The following SDCCAG8 variants were observed in gnomAD, a reference collection of about 807,000 sequenced individuals.
SDCCAG8 encodes the protein serologically defined colon cancer antigen 8.
A neutral mutation model predicts 101.8 loss-of-function variants in SDCCAG8; 74 were observed. That is an observed-to-expected ratio of 0.73 (90% CI 0.60 to 0.88). The LOEUF is 0.88. Among genes scored for constraint, SDCCAG8 ranks in the 40% least tolerant of loss-of-function variants. SDCCAG8 has a pLI of 0.00. For synonymous variants in SDCCAG8, 281 were observed against 292.9 expected (o/e 0.96, Z 0.41); for missense variants, 787 against 822.6 (o/e 0.96, Z 0.53).
intron 12 of SDCCAG8, among the ~76,000 whole-genome samples, chr1:243,374,718 A>C (rs921697352): frequency 2.6e-5 from 4 of 152,086 alleles, no homozygotes; most frequent in Non-Finnish European, 5.9e-5. Flanking sequence ...CAAAAAAGGG[A>C]ATAAATTGAG....
chr1:243,469,564 A>G (rs541456802), intron 16 of SDCCAG8, among the ~76,000 whole-genome samples: 1 of 152,302 alleles, frequency 6.6e-6, no homozygotes, highest in East Asian at 1.9e-4. Flanking sequence ...TTTCAGTTAC[A>G]TGAATTTTCA....
At chr1:243,341,200 G>A (rs369222444) in intron 11 of SDCCAG8, 27 bp downstream of exon 11, 140 of 1,610,956 alleles carry the variant, frequency 8.7e-5, no homozygotes, top group Non-Finnish European at 1.1e-4. Context: ...TAGTGTAATC[G>A]TTACTTAAGG....
At chr1:243,454,060 C>A (rs76331116) in intron 16 of SDCCAG8, among the ~76,000 whole-genome samples, 1 of 152,154 alleles carries the variant, frequency 6.6e-6, no homozygotes, top group Non-Finnish European at 1.5e-5. Context: ...GCTTTTCATT[C>A]GCACCTAGCT....
chr1:243,392,865 C>G (rs1222260143), intron 13 of SDCCAG8, among the ~76,000 whole-genome samples: 1 of 152,102 alleles, frequency 6.6e-6, no homozygotes, highest in Admixed American at 6.5e-5. Context: ...CTGAGGGATG[C>G]CAGCAAATAA....
intron 16 of SDCCAG8, among the ~76,000 whole-genome samples, chr1:243,452,842 A>T (rs2083467839): frequency 6.6e-6 from 1 of 152,186 alleles, no homozygotes; most frequent in Admixed American, 6.5e-5. Context: ...TTATTCTGTG[A>T]GGGCTTCTGT....
intron 1 of SDCCAG8, among the ~76,000 whole-genome samples, chr1:243,268,957 G>A (rs2067857681): frequency 6.6e-6 from 1 of 151,942 alleles, no homozygotes; most frequent in South Asian, 2.1e-4. Flanking sequence ...TGCCTCTGGT[G>A]CTGGAGTCCT....
chr1:243,373,024 A>G (rs1404865703), intron 12 of SDCCAG8, among the ~76,000 whole-genome samples: 1 of 151,234 alleles, frequency 6.6e-6, no homozygotes, highest in Non-Finnish European at 1.5e-5. Context: ...ATGGAATAGG[A>G]AATGTCAGAG....
At chr1:243,430,285 A>G (rs2081638616) in intron 16 of SDCCAG8, among the ~76,000 whole-genome samples, 1 of 152,174 alleles carries the variant, frequency 6.6e-6, no homozygotes, top group African/African-American at 2.4e-5. Flanking sequence ...AATCTATAAA[A>G]TGGAAGTTCC....
rs2081354029 is a variant in SDCCAG8, at chr1:243,426,557, A to G, written c.1984A>G (p.Arg662Gly). The G allele has an allele frequency of 1.2e-6, 2 of 1,613,850 alleles. No homozygotes were observed. Among genetic ancestry groups the G allele is most frequent in the Admixed American group, 1.7e-5 (1 of 60,008 alleles). Residue 662 changes from arginine (R) to glycine (G), a missense_variant and splice_region_variant, in exon 16 of 18, where the codon AGG (arginine) becomes GGG (glycine). Transcript: ENST00000366541. ...GAGAGTACATGAGACGATGAAGCAA[A>G]GGTAATCAAGGTTTCATGTCAACTC... is the stretch of plus-strand genomic sequence containing the variant. ...HGRVHETMKQ[R>G]LRQLDKHSQA...
At chr1:243,281,521 C>A (rs2069040195) in intron 4 of SDCCAG8, among the ~76,000 whole-genome samples, 2 of 151,718 alleles carry the variant, frequency 1.3e-5, no homozygotes, top group South Asian at 4.1e-4. Context: ...TTGGTATATT[C>A]AGACCATTAT....
chr1:243,265,575 G>T (rs2067516233), intron 1 of SDCCAG8, among the ~76,000 whole-genome samples: 1 of 152,242 alleles, frequency 6.6e-6, no homozygotes, highest in African/African-American at 2.4e-5. Context: ...CACTTTGGGA[G>T]GCCAAGGTGG....
At chr1:243,480,689 TGGATGGGTG>T (rs2148226220) in intron 16 of SDCCAG8, among the ~76,000 whole-genome samples, 1 of 111,702 alleles carries the variant, frequency 9.0e-6, no homozygotes, top group African/African-American at 3.6e-5. Flanking sequence ...GTGGGATGGA[TGGATGGGTG>T]GGATGGATGG....
chr1:243,422,380 G>GCAAT (rs1385759675), intron 15 of SDCCAG8, among the ~76,000 whole-genome samples: 2 of 152,124 alleles, frequency 1.3e-5, no homozygotes, highest in Non-Finnish European at 2.9e-5. Context: ...TGAGGCTAGA[G>GCAAT]CAATGATCCC....
At chr1:243,420,307 C>T (rs888608296) in intron 15 of SDCCAG8, among the ~76,000 whole-genome samples, 1 of 152,194 alleles carries the variant, frequency 6.6e-6, no homozygotes, top group South Asian at 2.1e-4. Flanking sequence ...TATATAGATA[C>T]GCATACATAC....
chr1:243,371,027 C>T (rs905285973), intron 12 of SDCCAG8, among the ~76,000 whole-genome samples: 2 of 152,076 alleles, frequency 1.3e-5, no homozygotes, highest in African/African-American at 4.8e-5. Context: ...AACCTCAGGA[C>T]GTCTTCAAGT....
chr1:243,268,469 T>C (rs1399294172), intron 1 of SDCCAG8, among the ~76,000 whole-genome samples: 1 of 152,234 alleles, frequency 6.6e-6, no homozygotes, highest in East Asian at 1.9e-4. Flanking sequence ...TTTTCATTAG[T>C]AATCAGCGCC....
intron 13 of SDCCAG8, among the ~76,000 whole-genome samples, chr1:243,398,024 G>A (rs1371434364): frequency 1.3e-5 from 2 of 152,186 alleles, no homozygotes; most frequent in Non-Finnish European, 2.9e-5. Flanking sequence ...GACGCCAATA[G>A]AGGAGGAGCT....
chr1:243,456,467 T>C (rs952043347), intron 16 of SDCCAG8, among the ~76,000 whole-genome samples: 1 of 152,180 alleles, frequency 6.6e-6, no homozygotes, highest in Non-Finnish European at 1.5e-5. Context: ...ATAGTATTTT[T>C]AAAAAATGCA....
chr1:243,257,836 T>C (rs2066892123), intron 1 of SDCCAG8, among the ~76,000 whole-genome samples: 3 of 152,198 alleles, frequency 2.0e-5, no homozygotes, highest in Admixed American at 6.5e-5. Flanking sequence ...CTGTGCACAA[T>C]GATATGAGTA....
Sources: gnomAD v4.1 joint callset for allele counts (sites outside exome capture counted in the v4.1 genomes callset) on GRCh38, gnomAD v4.1.1 for gene constraint, MANE v1.5 for transcripts, NCBI Gene and HGNC (gene_info 2026-07-23, HGNC 2026-07-21) for gene names.